PGM3: variants seen among roughly 807,000 people sequenced by gnomAD.
PGM3 encodes phosphoglucomutase 3.
A neutral mutation model predicts 66.2 loss-of-function variants in PGM3; 40 were observed. The ratio of observed to expected loss-of-function variants is 0.60; its 90% confidence interval spans 0.47 to 0.79. The LOEUF is 0.79. Ranked by LOEUF, PGM3 falls within the 30% of genes least tolerant of loss-of-function variation. The pLI is 0.00. For missense variants in PGM3, 537 were observed against 643.4 expected (o/e 0.83, Z 1.79); for synonymous variants, 191 against 224.2 (o/e 0.85, Z 1.32).
the PGM3 span, chr6:83,152,313 C>A: frequency 6.4e-7 from 1 of 1,572,406 alleles, no homozygotes; most frequent in Non-Finnish European, 8.6e-7. Flanking sequence ...CAATGGAAAC[C>A]GCAAACATAA....
intron 9 of PGM3, among the ~76,000 whole-genome samples, chr6:83,175,592 AT>A (rs1787701665): frequency 6.6e-6 from 1 of 152,184 alleles, no homozygotes; most frequent in Non-Finnish European, 1.5e-5. Flanking sequence ...ATTCATTTTC[AT>A]TTCTTATTAA....
the PGM3 span, chr6:83,153,626 A>G: frequency 1.2e-5 from 19 of 1,557,448 alleles, no homozygotes; most frequent in East Asian, 2.3e-5. Context: ...CACAGGTACT[A>G]TCATTATTTA....
the PGM3 span, among the ~76,000 whole-genome samples, chr6:83,150,544 T>C: frequency 2.6e-5 from 4 of 152,240 alleles, no homozygotes; most frequent in African/African-American, 7.2e-5. Context: ...AGTTTACCTT[T>C]TTGCCAACCA....
At chr6:83,155,976 T>A in the PGM3 span, 13 of 1,613,754 alleles carry the variant, frequency 8.1e-6, no homozygotes, top group Non-Finnish European at 1.0e-5. Flanking sequence ...CTCAAAGCAG[T>A]TCACTTAATC....
downstream of PGM3, chr6:83,157,426 A>G (rs1783032072): frequency 1.8e-6 from 2 of 1,124,810 alleles, no homozygotes; most frequent in Non-Finnish European, 2.6e-6. Flanking sequence ...ACTGAGCTGT[A>G]GTTAAACCAG....
intron 7 of PGM3, among the ~76,000 whole-genome samples, chr6:83,179,358 C>G (rs987897972): frequency 6.6e-6 from 1 of 151,488 alleles, no homozygotes. Context: ...TATGCTGTTT[C>G]CAGATTATAA....
At chr6:83,158,622 G>A (rs1783405468), downstream of PGM3, 3 of 1,596,612 alleles carry the variant, frequency 1.9e-6, no homozygotes, top group Admixed American at 1.7e-5. Context: ...GATATTTCAC[G>A]GTAATATGTA....
In PGM3 at chr6:83,166,398, T is replaced by TA; in HGVS notation, c.*2835dup. 3 of 702,132 alleles carry TA rather than the reference T, an allele frequency of 4.3e-6. No homozygotes were observed. Among genetic ancestry groups the TA allele is most frequent in the Non-Finnish European group, 7.8e-6 (3 of 384,780 alleles). 43.5% of individuals were successfully genotyped at this position (702,132 alleles called of 1,614,324 possible). On this transcript the variant is annotated 3_prime_UTR_variant, in exon 13 of 13. Transcript: ENST00000513973. The stretch of plus-strand genomic sequence containing the variant: ...AACTTCTTGAGCCATCACGGCACTG[T>TA]ATGTTCATTAGCAGTTCCTGGGCCA...
Position 83,190,910 on chromosome 6 carries a change from G to A in PGM3, c.103C>T (p.Leu35Phe). The A allele has an allele frequency of 6.2e-7, 1 of 1,614,100 alleles. No individual in the cohort carries two copies. Among genetic ancestry groups the A allele is most frequent in the Admixed American group, 1.7e-5 (1 of 60,024 alleles). ...TAGFRTKAEH[L>F]DHVMFRMGLL... ...CCCATGCGAAACATGACATGATCAAGATGTTCTGCCTTCGTTCGAAATCCA... is the reference window on the plus strand; with the variant it reads ...CCCATGCGAAACATGACATGATCAAAATGTTCTGCCTTCGTTCGAAATCCA... Residue 35 changes from leucine (L) to phenylalanine (F), a missense_variant, in exon 2 of 13, where the codon CTT becomes TTT. Coordinates refer to ENST00000513973, the MANE Select transcript of PGM3 (RefSeq NM_015599.3).
Position 83,171,953 on chromosome 6 carries a change from CTGTT to C in PGM3, c.1345_1348del (p.Asn449AspfsTer36), listed in dbSNP as rs771310461. The stretch of plus-strand genomic sequence containing the variant: ...CTCTCACACCTGAACTTTAAGTTGT[CTGTT>C]TGGAAGATCTGTATAGAGAGCATCC... On this transcript the variant is annotated frameshift_variant, in exon 11 of 13. Transcript: ENST00000513973. LOFTEE classifies it high-confidence loss of function. The C allele has an allele frequency of 6.2e-7, 1 of 1,613,226 alleles. No individual in the cohort carries two copies. Among genetic ancestry groups the C allele is most frequent in the Non-Finnish European group, 8.5e-7 (1 of 1,179,414 alleles).
Position 83,191,170 on chromosome 6 carries a change from C to G in PGM3, c.-2-156G>C, listed in dbSNP as rs549230069. The G allele has an allele frequency of 1.4e-5, 21 of 1,517,562 alleles. No individual in the cohort carries two copies. The highest frequency in any genetic ancestry group is 1.7e-4 in the Middle Eastern group (1 of 5,970). The allele number at this position is 1,517,562 out of a possible 1,614,324, so 94.0% of individuals were successfully genotyped here. A position where few individuals can be genotyped will look rare whatever the true frequency, so the allele number is the denominator to read the frequency against. ...AGAGCAATGGGCAGGAGAGTAAGTC[C>G]TGTGGGTTAGAATTACCTACAAGAT... is the stretch of plus-strand genomic sequence containing the variant. On this transcript the variant is annotated intron_variant, in intron 1 of 12. Coordinates refer to ENST00000513973, the MANE Select transcript of PGM3 (RefSeq NM_015599.3).
chr6:83,160,815 G>T (rs1222154343), downstream of PGM3, among the ~76,000 whole-genome samples: 3 of 152,038 alleles, frequency 2.0e-5, no homozygotes, highest in Non-Finnish European at 4.4e-5. Context: ...GAAATAATAG[G>T]ATAAAGAGTA....
Position 83,166,627 on chromosome 6 carries a change from A to G in PGM3, c.*2607T>C. On this transcript the variant is annotated 3_prime_UTR_variant, in exon 13 of 13. Transcript: ENST00000513973. ...CCACATTTATTTAAGAATGTACTCC[A>G]ATATAAAACGGCAAATTTCAACAAT... is the stretch of plus-strand genomic sequence containing the variant. 2 of 863,676 alleles carry G rather than the reference A, an allele frequency of 2.3e-6. No individual in the cohort carries two copies. The highest frequency in any genetic ancestry group is 3.2e-6 in the Non-Finnish European group (2 of 620,478). 53.5% of individuals were successfully genotyped at this position (863,676 alleles called of 1,614,324 possible).
chr6:83,178,346 T>A (rs980361597), intron 8 of PGM3, among the ~76,000 whole-genome samples: 1 of 152,186 alleles, frequency 6.6e-6, no homozygotes, highest in African/African-American at 2.4e-5. Context: ...ATATTTGAAA[T>A]TGGTGACTCT....
chr6:83,166,711 TTAAAA>T lies in PGM3; in HGVS notation c.*2518_*2522del, dbSNP rs752538419. The T allele has an allele frequency of 2.4e-5, 29 of 1,219,096 alleles. 1 individual carries two copies. Among genetic ancestry groups the T allele is most frequent in the Middle Eastern group, 6.5e-4 (2 of 3,058 alleles). 75.5% of individuals were successfully genotyped at this position (1,219,096 alleles called of 1,614,324 possible). On this transcript the variant is annotated 3_prime_UTR_variant, in exon 13 of 13. Transcript: ENST00000513973. ...TATTTTCCTTTTTCAGGATTTTACT[TTAAAA>T]TAAGCAATAAGCTTGAGAGCACATA...
the PGM3 span, chr6:83,155,985 T>C: frequency 1.1e-5 from 17 of 1,614,026 alleles, no homozygotes; most frequent in Non-Finnish European, 1.4e-5. Context: ...GTTCACTTAA[T>C]CTCTTTGCAA....
Position 83,181,854 on chromosome 6 carries a change from T to G in PGM3, c.669A>C (p.Glu223Asp), listed in dbSNP as rs765222547. 1.2e-6 allele frequency: 2 copies of G among 1,613,858 alleles called. No individual in the cohort carries two copies. The highest frequency in any genetic ancestry group is 1.7e-6 in the Non-Finnish European group (2 of 1,179,866). Residue 223 changes from glutamate (E) to aspartate (D), a missense_variant, in exon 6 of 13, where the codon GAA (glutamate) becomes GAC (aspartate). Physicochemically the swap from Glu to Asp is conservative, Grantham distance 45. Transcript: ENST00000513973. ...GGCCCTGTGAGAAGTAGTGTTCCAT[T>G]TCCCTTAGCTTCAGGGCCCCTATGC... ...ANGIGALKLR[E>D]MEHYFSQGLS...
In PGM3 at chr6:83,168,393, T is replaced by C. The variant is rs1434686130; in HGVS notation, c.*841A>G. ...ATGGTGCCTAAGAGAGCTATATATATACACATGTAAAGTCCATTGTTTTTA... is the reference window on the plus strand; with the variant it reads ...ATGGTGCCTAAGAGAGCTATATATACACACATGTAAAGTCCATTGTTTTTA... On this transcript the variant is annotated 3_prime_UTR_variant, in exon 13 of 13. Transcript: ENST00000513973. 2 of 1,297,764 alleles carry C rather than the reference T, an allele frequency of 1.5e-6. No homozygotes were observed. Among genetic ancestry groups the C allele is most frequent in the East Asian group, 3.3e-5 (1 of 30,698 alleles). 80.4% of individuals were successfully genotyped at this position (1,297,764 alleles called of 1,614,324 possible).
At chr6:83,173,607 G>A (rs1787484248) in intron 10 of PGM3, among the ~76,000 whole-genome samples, 1 of 152,150 alleles carries the variant, frequency 6.6e-6, no homozygotes, top group Non-Finnish European at 1.5e-5. Flanking sequence ...TATATAAAGT[G>A]TCCAGTGTGT....
Sources: gnomAD v4.1 joint callset for allele counts (sites outside exome capture counted in the v4.1 genomes callset) on GRCh38, gnomAD v4.1.1 for gene constraint, MANE v1.5 for transcripts, NCBI Gene and HGNC (gene_info 2026-07-23, HGNC 2026-07-21) for gene names.